The following TNNI3K variants were observed in gnomAD, a reference collection of about 807,000 sequenced individuals.
TNNI3K encodes the protein TNNI3 interacting kinase, also known as serine/threonine-protein kinase TNNI3K.
Under a neutral mutation model 114.5 loss-of-function variants are expected in TNNI3K, and 140 were observed. The observed-to-expected ratio is 1.22, with a 90% CI of 1.07 to 1.41. TNNI3K has a LOEUF of 1.41. Ranked by LOEUF, TNNI3K falls within the 40% of genes most tolerant of loss-of-function variation. The pLI is 0.00. For missense variants in TNNI3K, 1,125 were observed against 1,007.6 expected, an observed-to-expected ratio of 1.12 and a Z score of -1.58; for synonymous variants, 347 against 347.5, an observed-to-expected ratio of 1.00 and a Z score of 0.02.
chr1:74,288,483 G>A (rs75480652), intron 5 of TNNI3K, among the ~76,000 whole-genome samples: 5,219 of 152,052 alleles, frequency 0.034, 128 homozygotes, highest in Non-Finnish European at 0.05. Context: ...TGAATGAACT[G>A]GGAGGACATT....
intron 21 of TNNI3K, among the ~76,000 whole-genome samples, chr1:74,466,167 A>C (rs998146708): frequency 1.3e-5 from 2 of 152,200 alleles, no homozygotes; most frequent in Admixed American, 1.3e-4. Context: ...GCCATCTTTA[A>C]GAAGTGTAAC....
chr1:74,511,121 T>C (rs1166488500), intron 23 of TNNI3K, among the ~76,000 whole-genome samples: 2 of 151,878 alleles, frequency 1.3e-5, no homozygotes. Flanking sequence ...CTCCTGGTGA[T>C]CACCTCAGGT....
At chr1:74,379,564 AGTCT>A (rs775524162) in intron 17 of TNNI3K, among the ~76,000 whole-genome samples, 1 of 152,076 alleles carries the variant, frequency 6.6e-6, no homozygotes, top group Non-Finnish European at 1.5e-5. Flanking sequence ...TTATGAAGTC[AGTCT>A]GTCTGTCTGT....
intron 5 of TNNI3K, among the ~76,000 whole-genome samples, chr1:74,303,679 A>G (rs1176664871): frequency 3.9e-5 from 6 of 152,246 alleles, no homozygotes; most frequent in Non-Finnish European, 7.3e-5. Flanking sequence ...TTCAAGTTTC[A>G]TTATTTAAGA....
At chr1:74,427,930 GAA>G (rs1452439426) in intron 17 of TNNI3K, among the ~76,000 whole-genome samples, 1 of 150,104 alleles carries the variant, frequency 6.7e-6, no homozygotes, top group Non-Finnish European at 1.5e-5. Flanking sequence ...AATAGTAAGT[GAA>G]GAGTATGAGG....
intron 23 of TNNI3K, among the ~76,000 whole-genome samples, chr1:74,494,200 C>A (rs1669218639): frequency 6.6e-6 from 1 of 152,184 alleles, no homozygotes; most frequent in Non-Finnish European, 1.5e-5. Context: ...CATATACATA[C>A]ACACTCATAC....
intron 20 of TNNI3K, among the ~76,000 whole-genome samples, chr1:74,446,440 G>A (rs1000957969): frequency 3.4e-5 from 5 of 146,032 alleles, no homozygotes; most frequent in Non-Finnish European, 7.6e-5. Context: ...CTGGATATTA[G>A]CCCTTTGTCA....
intron 23 of TNNI3K, among the ~76,000 whole-genome samples, chr1:74,530,878 T>C (rs1357566851): frequency 6.6e-6 from 1 of 152,120 alleles, no homozygotes; most frequent in Non-Finnish European, 1.5e-5. Flanking sequence ...CTTAAATTAG[T>C]AGGTAAATTG....
rs754623503 is a variant in TNNI3K at position 74,378,424 on chromosome 1, G to A, written c.1772+8032G>A. 3.3e-5 allele frequency among the ~76,000 whole-genome samples: 5 copies of A among 150,772 alleles called. No homozygotes were observed. In the South Asian group the frequency reaches 8.5e-4, roughly 26 times the overall value. ...GTGTGGATGAACAAGTTGTTGAGGCGGTCCCTATCCATGATGTTACTCAGG... is the reference window on the plus strand; with the variant it reads ...GTGTGGATGAACAAGTTGTTGAGGCAGTCCCTATCCATGATGTTACTCAGG... On this transcript the variant is annotated intron_variant, in intron 17 of 24. Coordinates refer to ENST00000326637, the MANE Select transcript of TNNI3K (RefSeq NM_015978.3).
intron 17 of TNNI3K, among the ~76,000 whole-genome samples, chr1:74,381,232 C>G (rs1022818745): frequency 2.0e-5 from 3 of 152,122 alleles, no homozygotes; most frequent in Non-Finnish European, 4.4e-5. Context: ...GGCATGGGCT[C>G]TGAAGCCAGA....
chr1:74,270,089 C>G (rs1656249185), intron 4 of TNNI3K, among the ~76,000 whole-genome samples: 1 of 151,710 alleles, frequency 6.6e-6, no homozygotes, highest in Admixed American at 6.6e-5. Flanking sequence ...GTCCTTAATG[C>G]CTCAGGTGGA....
intron 20 of TNNI3K, among the ~76,000 whole-genome samples, chr1:74,461,497 A>AAAGTC (rs1553149094): frequency 0.018 from 2,668 of 151,638 alleles, 89 homozygotes; most frequent in African/African-American, 0.061. Context: ...AAAAAAAAAA[A>AAAGTC]AAGAGTAACC....
At chr1:74,479,184 T>C (rs1036055711) in intron 21 of TNNI3K, among the ~76,000 whole-genome samples, 1 of 152,124 alleles carries the variant, frequency 6.6e-6, no homozygotes, top group African/African-American at 2.4e-5. Context: ...ATCACCATGG[T>C]TACCCACAGG....
chr1:74,512,128 C>T (rs928705843), intron 23 of TNNI3K, among the ~76,000 whole-genome samples: 1 of 152,146 alleles, frequency 6.6e-6, no homozygotes, highest in African/African-American at 2.4e-5. Flanking sequence ...TAGCAGCCAC[C>T]AGTCTTTATT....
chr1:74,414,589 G>A (rs1665032650), intron 17 of TNNI3K, among the ~76,000 whole-genome samples: 3 of 152,132 alleles, frequency 2.0e-5, no homozygotes, highest in Admixed American at 6.6e-5. Flanking sequence ...TTAATTGCTT[G>A]TTTTAGGGCA....
intron 20 of TNNI3K, among the ~76,000 whole-genome samples, chr1:74,451,682 CTTTT>C (rs1667011443): frequency 4.6e-5 from 1 of 21,952 alleles, no homozygotes; most frequent in Non-Finnish European, 8.8e-5. Flanking sequence ...CTTTTCTTTT[CTTTT>C]CTTTCTTTCT....
At chr1:74,404,831 T>C (rs542018999) in intron 17 of TNNI3K, among the ~76,000 whole-genome samples, 16 of 152,360 alleles carry the variant, frequency 1.1e-4, no homozygotes, top group African/African-American at 3.8e-4. Flanking sequence ...CTGGTTATGA[T>C]TCCGCTTCTC....
intron 5 of TNNI3K, among the ~76,000 whole-genome samples, chr1:74,309,101 G>A (rs1036285417): frequency 1.3e-5 from 2 of 152,032 alleles, no homozygotes; most frequent in African/African-American, 2.4e-5. Context: ...GGGCGCGGTG[G>A]CTCACGCCTG....
At chr1:74,410,897 G>A (rs1664848959) in intron 17 of TNNI3K, among the ~76,000 whole-genome samples, 1 of 152,182 alleles carries the variant, frequency 6.6e-6, no homozygotes, top group South Asian at 2.1e-4. Context: ...ATTTCTTTCA[G>A]TGTTCACTTG....
Sources: gnomAD v4.1 joint callset for allele counts (sites outside exome capture counted in the v4.1 genomes callset) on GRCh38, gnomAD v4.1.1 for gene constraint, MANE v1.5 for transcripts, NCBI Gene and HGNC (gene_info 2026-07-23, HGNC 2026-07-21) for gene names.